ERMP1: variants seen among roughly 807,000 people sequenced by gnomAD.
ERMP1 encodes Felix-ina.
ERMP1 carries 86 observed loss-of-function variants against 92.0 expected under a neutral mutation model. The ratio of observed to expected loss-of-function variants is 0.93; its 90% CI spans 0.79 to 1.12. ERMP1 has a LOEUF of 1.12. Ranked by LOEUF, ERMP1 falls within the 50% of genes most tolerant of loss-of-function variation. ERMP1 has a pLI of 0.00. For missense variants in ERMP1, 1,342 were observed against 1,116.3 expected, an observed-to-expected ratio of 1.20 and a Z score of -2.88; for synonymous variants, 530 against 412.8, an observed-to-expected ratio of 1.28 and a Z score of -3.44.
chr9:5,809,988 C>G, intron 8 of ERMP1, 23 bp downstream of exon 8: 1 of 1,504,278 alleles, frequency 6.6e-7, no homozygotes, highest in Middle Eastern at 1.7e-4. Flanking sequence ...AGAAAGAAAT[C>G]AACAAATATA....
At chr9:5,820,329 C>T (rs547528692) in intron 4 of ERMP1, among the ~76,000 whole-genome samples, 56 of 152,208 alleles carry the variant, frequency 3.7e-4, no homozygotes, top group East Asian at 1.9e-3. Context: ...AAGTAGCAGA[C>T]AGAATATGAT....
intron 5 of ERMP1, among the ~76,000 whole-genome samples, chr9:5,864,108 G>C (rs1830580482): frequency 6.6e-6 from 1 of 152,184 alleles, no homozygotes; most frequent in African/African-American, 2.4e-5. Context: ...ATTTTCACTA[G>C]TCATGAAGTA....
At chr9:5,844,176 C>G (rs1041513256) in intron 6 of ERMP1, among the ~76,000 whole-genome samples, 19 of 152,210 alleles carry the variant, frequency 1.2e-4, no homozygotes, top group African/African-American at 3.9e-4. Flanking sequence ...CCTGAGACTT[C>G]CTTCCTGCAG....
At chr9:5,805,556 G>A (rs370231436) in intron 9 of ERMP1, 55 bp downstream of exon 9, 1 of 1,418,546 alleles carries the variant, frequency 7.0e-7, no homozygotes, top group African/African-American at 1.5e-5. Context: ...GTCCCTGAAA[G>A]CCTTAAGTAT....
At chr9:5,825,359 G>C in intron 2 of ERMP1, 140 bp from the exon 3 acceptor site, 2 of 804,894 alleles carry the variant, frequency 2.5e-6, no homozygotes, top group Middle Eastern at 3.0e-4. Flanking sequence ...GTCATCATCA[G>C]GTGACAATCA....
chr9:5,815,697 T>A (rs1829277352), intron 4 of ERMP1, among the ~76,000 whole-genome samples: 1 of 152,082 alleles, frequency 6.6e-6, no homozygotes, highest in Non-Finnish European at 1.5e-5. Flanking sequence ...TTACCTAAAG[T>A]ATCTATCACT....
intron 11 of ERMP1, 122 bp from the exon 12 acceptor site, chr9:5,799,130 G>GAA: frequency 1.5e-6 from 1 of 645,952 alleles, no homozygotes; most frequent in Non-Finnish European, 2.7e-6. Flanking sequence ...AAGTGAATAA[G>GAA]ACACTGAGAG....
intron 8 of ERMP1, among the ~76,000 whole-genome samples, chr9:5,806,045 A>T (rs1563755428): frequency 6.6e-6 from 1 of 152,242 alleles, no homozygotes; most frequent in Non-Finnish European, 1.5e-5. Context: ...TTCTTCTACT[A>T]GGCTAAAAGT....
intron 6 of ERMP1, among the ~76,000 whole-genome samples, chr9:5,854,904 T>C (rs1384342838): frequency 2.0e-5 from 3 of 152,200 alleles, no homozygotes; most frequent in African/African-American, 7.2e-5. Flanking sequence ...TTTTTGAGGA[T>C]TCCCAAAAGA....
intron 8 of ERMP1, among the ~76,000 whole-genome samples, chr9:5,808,505 C>G (rs1488791409): frequency 6.6e-6 from 1 of 152,194 alleles, no homozygotes; most frequent in Non-Finnish European, 1.5e-5. Context: ...GAACACATCC[C>G]AACATTAACT....
rs768209570 is a variant in ERMP1 at position 5,787,305 on chromosome 9, A to C, written c.2554T>G (p.Ser852Ala). 1 of 1,611,770 alleles carries C rather than the reference A, an allele frequency of 6.2e-7. No individual in the cohort carries two copies. Among genetic ancestry groups the C allele is most frequent in the Non-Finnish European group, 8.5e-7 (1 of 1,179,114 alleles). ...ACCATTCCTTCAGGATGTTCTTCTG[A>C]AACCTGCCAGAGAAAATCAATTAGT... is the stretch of plus-strand genomic sequence containing the variant. ...AWQFWIEVQV[S>A]EEHPEGMVTV... The change falls in exon 15 of 15, where the codon TCA becomes GCA. Residue 852 changes from serine (S) to alanine (A), a missense_variant. Ser to Ala is a moderately conservative substitution (Grantham distance 99, BLOSUM62 1). Coordinates refer to ENST00000339450, the MANE Select transcript of ERMP1 (RefSeq NM_024896.3).
intron 11 of ERMP1, 130 bp from the exon 12 acceptor site, chr9:5,799,138 G>A: frequency 3.2e-6 from 2 of 629,778 alleles, no homozygotes; most frequent in Non-Finnish European, 5.6e-6. Context: ...AAGACACTGA[G>A]AGTTTCTAAG....
In ERMP1 at chr9:5,817,226, G is replaced by A. The variant is rs542623300; in HGVS notation, c.875-4191C>T. On this transcript the variant is annotated intron_variant, in intron 4 of 14. Coordinates refer to ENST00000339450, the MANE Select transcript of ERMP1 (RefSeq NM_024896.3). ...TTTTTGAGACAGAGTCTCTCGCTCT[G>A]TCGTCCAGGCTGGAATGCAATGGCA... is the stretch of plus-strand genomic sequence containing the variant. Among the ~76,000 whole-genome samples the A allele has an allele frequency of 1.2e-4, 17 of 147,656 alleles. No individual in the cohort carries two copies. The East Asian group carries it at 2.7e-3, about 23-fold the overall frequency.
At chr9:5,833,242 G>A (rs1363141195), upstream of ERMP1, 1 of 487,854 alleles carries the variant, frequency 2.0e-6, no homozygotes, top group Non-Finnish European at 3.5e-6. Flanking sequence ...AGCAGCGGGT[G>A]GTGGATATGC....
intron 5 of ERMP1, among the ~76,000 whole-genome samples, chr9:5,862,108 C>T (rs575954157): frequency 7.9e-5 from 12 of 152,092 alleles, no homozygotes; most frequent in Non-Finnish European, 1.5e-4. Flanking sequence ...TGGCTCACTG[C>T]GGCCTCTACC....
At position 5,798,796 on chromosome 9, in the gene ERMP1, A is replaced by C. The variant is rs1828551321; in HGVS notation, c.2270+10T>G. ...CAAACTAACCTTAAGCAGAAAAATA[A>C]TGAACCAACCTGATCAGAAAGTGCA... On this transcript the variant is annotated intron_variant, in intron 12 of 14. Coordinates refer to ENST00000339450, the MANE Select transcript of ERMP1 (RefSeq NM_024896.3). The C allele has an allele frequency of 1.2e-6, 2 of 1,602,452 alleles. No homozygotes were observed. The highest frequency in any genetic ancestry group is 1.3e-5 in the African/African-American group (1 of 74,776).
At chr9:5,789,243 GAAAA>G (rs532096862) in intron 13 of ERMP1, among the ~76,000 whole-genome samples, 2 of 145,266 alleles carry the variant, frequency 1.4e-5, no homozygotes, top group African/African-American at 2.5e-5. Flanking sequence ...AGATTTCAAA[GAAAA>G]AAAAAATCTT....
At chr9:5,840,409 A>C (rs563150649) in intron 6 of ERMP1, among the ~76,000 whole-genome samples, 1 of 152,172 alleles carries the variant, frequency 6.6e-6, no homozygotes, top group Non-Finnish European at 1.5e-5. Flanking sequence ...AAGGGTTCAC[A>C]TGTCCAAGAA....
intron 10 of ERMP1, among the ~76,000 whole-genome samples, chr9:5,802,343 C>T (rs1313758492): frequency 6.6e-6 from 1 of 152,126 alleles, no homozygotes; most frequent in Non-Finnish European, 1.5e-5. Context: ...CATTTTATTT[C>T]TCTACTTATT....
Sources: allele counts gnomAD v4.1 joint callset (sites outside exome capture counted in the v4.1 genomes callset), GRCh38; gene constraint gnomAD v4.1.1; transcripts MANE v1.5; gene names NCBI Gene and HGNC (gene_info 2026-07-23, HGNC 2026-07-21).